Variants in DAB1 observed in about 807,000 individuals in gnomAD.
The protein encoded by DAB1 is disabled homolog 1.
Under a neutral mutation model 64.6 loss-of-function variants are expected in DAB1, and 15 were observed. The ratio of observed to expected loss-of-function variants is 0.23; its 90% CI spans 0.16 to 0.36. DAB1 has a LOEUF of 0.36. Among genes scored for constraint, DAB1 ranks in the 10% least tolerant of loss-of-function variants. DAB1 has a pLI of 1.00. For synonymous variants in DAB1, 235 were observed against 251.9 expected (o/e 0.93, Z 0.64); for missense variants, 596 against 706.7 (o/e 0.84, Z 1.78).
intron 6 of DAB1, among the ~76,000 whole-genome samples, chr1:57,762,040 C>T (rs1649112115): frequency 6.6e-6 from 1 of 152,118 alleles, no homozygotes; most frequent in Non-Finnish European, 1.5e-5. Context: ...TTTCAAAATA[C>T]CTATTAAATC....
chr1:57,495,559 A>G (rs1378072014), intron 7 of DAB1, among the ~76,000 whole-genome samples: 1 of 152,200 alleles, frequency 6.6e-6, no homozygotes, highest in Non-Finnish European at 1.5e-5. Flanking sequence ...GTGTGTCCGT[A>G]TAGGTAATGA....
intron 1 of DAB1, among the ~76,000 whole-genome samples, chr1:57,359,445 T>C (rs541445153): frequency 1.3e-5 from 2 of 151,970 alleles, no homozygotes; most frequent in Admixed American, 1.3e-4. Context: ...ATAAGAAGTA[T>C]TGGCAAGGAT....
chr1:58,344,410 G>C (rs1176351909), intron 3 of DAB1, among the ~76,000 whole-genome samples: 1 of 152,064 alleles, frequency 6.6e-6, no homozygotes, highest in Admixed American at 6.6e-5. Flanking sequence ...GGACATAATT[G>C]GTATAACTCA....
intron 4 of DAB1, among the ~76,000 whole-genome samples, chr1:58,244,064 C>T (rs1210539244): frequency 6.6e-6 from 1 of 152,164 alleles, no homozygotes; most frequent in African/African-American, 2.4e-5. Flanking sequence ...AGACCAGACA[C>T]ACAATGTCCC....
chr1:58,244,047 GATGTTGAGACCAGACACACA>G (rs2100385949), intron 4 of DAB1, among the ~76,000 whole-genome samples: 1 of 152,264 alleles, frequency 6.6e-6, no homozygotes, highest in South Asian at 2.1e-4. Context: ...AATGAGAACA[GATGTTGAGACCAGACACACA>G]ATGTCCCAAT....
intron 1 of DAB1, among the ~76,000 whole-genome samples, chr1:57,857,861 A>G (rs1653826810): frequency 6.6e-6 from 1 of 151,288 alleles, no homozygotes; most frequent in Non-Finnish European, 1.5e-5. Context: ...TACAAAAAAA[A>G]AAAAAGAAAA....
intron 7 of DAB1, among the ~76,000 whole-genome samples, chr1:57,485,333 T>C (rs967714891): frequency 5.3e-5 from 8 of 152,172 alleles, no homozygotes; most frequent in Non-Finnish European, 1.2e-4. Flanking sequence ...TTTACTAGCA[T>C]TGTAACTCTG....
intron 5 of DAB1, among the ~76,000 whole-genome samples, chr1:58,104,926 T>TC (rs770166921): frequency 4.7e-4 from 71 of 152,288 alleles, no homozygotes; most frequent in Middle Eastern, 3.4e-3. Flanking sequence ...CTATGGACTT[T>TC]CAAAAAGGGA....
At chr1:57,656,441 T>C (rs574554027) in intron 6 of DAB1, among the ~76,000 whole-genome samples, 2 of 152,348 alleles carry the variant, frequency 1.3e-5, no homozygotes, top group East Asian at 3.9e-4. Flanking sequence ...TTCATGGCAA[T>C]AACTGCAATT....
At chr1:57,834,429 A>G (rs922145716) in intron 1 of DAB1, among the ~76,000 whole-genome samples, 5 of 152,184 alleles carry the variant, frequency 3.3e-5, no homozygotes, top group African/African-American at 1.2e-4. Context: ...GAATAGATAC[A>G]TATTTCCTTC....
At chr1:57,637,172 C>T (rs780437129) in intron 7 of DAB1, among the ~76,000 whole-genome samples, 3 of 151,998 alleles carry the variant, frequency 2.0e-5, no homozygotes, top group African/African-American at 4.8e-5. Flanking sequence ...TTGCTCTTCC[C>T]ATAACATATT....
In DAB1 at chr1:57,877,478, C is replaced by A. The variant is rs527757527; in HGVS notation, n.87+6521G>T. Among the ~76,000 whole-genome samples, 6 of 152,258 alleles carry A rather than the reference C, an allele frequency of 3.9e-5. No homozygotes were observed. The East Asian group carries it at 1.2e-3, about 29-fold the overall frequency. ...AAGCACTTGGGATAATTCTCTCCAT[C>A]CTGAGTCAGTCCTAGTCCAAAGTCA... On this transcript the variant is annotated intron_variant and non_coding_transcript_variant, in intron 1 of 1. Transcript: ENST00000477280.
chr1:57,647,568 A>C (rs1646208359), intron 7 of DAB1, among the ~76,000 whole-genome samples: 1 of 152,182 alleles, frequency 6.6e-6, no homozygotes. Flanking sequence ...CCAAGCCAGG[A>C]GGATACTGCC....
At chr1:58,119,487 A>G (rs1012959034) in intron 5 of DAB1, among the ~76,000 whole-genome samples, 1 of 152,208 alleles carries the variant, frequency 6.6e-6, no homozygotes, top group Non-Finnish European at 1.5e-5. Flanking sequence ...GAGCTGAATC[A>G]TTCTAAATTT....
chr1:57,343,349 T>C (rs1270317486), intron 1 of DAB1, among the ~76,000 whole-genome samples: 1 of 152,208 alleles, frequency 6.6e-6, no homozygotes, highest in Non-Finnish European at 1.5e-5. Flanking sequence ...ATAGAGGTTC[T>C]CCAAGTTCCC....
chr1:57,289,155 C>A (rs1177827947), intron 2 of DAB1, among the ~76,000 whole-genome samples: 1 of 152,160 alleles, frequency 6.6e-6, no homozygotes, highest in Non-Finnish European at 1.5e-5. Context: ...CACCTTCATG[C>A]TCTCATCCCA....
At chr1:57,139,930 C>T (rs946226408) in intron 3 of DAB1, among the ~76,000 whole-genome samples, 4 of 152,082 alleles carry the variant, frequency 2.6e-5, no homozygotes, top group African/African-American at 7.2e-5. Context: ...CCATAAGGTG[C>T]TATCTTTGGG....
chr1:57,753,669 C>T (rs1490888292), intron 6 of DAB1, among the ~76,000 whole-genome samples: 4 of 152,140 alleles, frequency 2.6e-5, no homozygotes, highest in Admixed American at 1.3e-4. Context: ...TATTGTTGCC[C>T]TCTTTGCAAA....
chr1:58,227,198 G>A (rs1333575180), intron 4 of DAB1, among the ~76,000 whole-genome samples: 1 of 152,180 alleles, frequency 6.6e-6, no homozygotes, highest in African/African-American at 2.4e-5. Flanking sequence ...ACACACAGAA[G>A]AAAGGTTCAA....
Sources: gnomAD v4.1 joint callset for allele counts (sites outside exome capture counted in the v4.1 genomes callset) on GRCh38, gnomAD v4.1.1 for gene constraint, MANE v1.5 for transcripts, NCBI Gene and HGNC (gene_info 2026-07-23, HGNC 2026-07-21) for gene names.